FANCC: variants seen among roughly 807,000 people sequenced by gnomAD.
FANCC encodes FA complementation group C, also known as Fanconi anemia group C protein.
In FANCC, 55 loss-of-function variants were observed where a neutral mutation model predicts 71.3. The ratio of observed to expected loss-of-function variants is 0.77; its 90% CI spans 0.62 to 0.97. The LOEUF (loss-of-function observed/expected upper bound fraction) is 0.97, where lower values mean the gene tolerates loss of function less well. Ranked by LOEUF, FANCC falls within the 50% of genes least tolerant of loss-of-function variation. The pLI, the probability that FANCC is intolerant of heterozygous loss-of-function variation, is 0.00. For synonymous variants in FANCC, 275 were observed against 244.9 expected (o/e 1.12, Z -1.15); for missense variants, 678 against 670.9 (o/e 1.01, Z -0.12).
At chr9:95,204,544 C>A (rs1208063986) in intron 4 of FANCC, among the ~76,000 whole-genome samples, 2 of 152,184 alleles carry the variant, frequency 1.3e-5, no homozygotes, top group Non-Finnish European at 2.9e-5. Flanking sequence ...TAATGCAAAT[C>A]TGACACCCAT....
rs2071028401 is a variant in FANCC at position 95,100,172 on chromosome 9, A to C, written c.*1535T>G. On this transcript the variant is annotated 3_prime_UTR_variant, in exon 15 of 15. Coordinates refer to ENST00000289081, the MANE Select transcript of FANCC (RefSeq NM_000136.3). Reference sequence around the variant, plus strand: ...ACCTCTGACGAAGCATGTTTGTTATATGAAGGCAAGGATCATGATGGCACG... The same window carrying C: ...ACCTCTGACGAAGCATGTTTGTTATCTGAAGGCAAGGATCATGATGGCACG... 4.3e-6 allele frequency: 1 copy of C among 232,818 alleles called. No homozygotes were observed. The highest frequency in any genetic ancestry group is 1.8e-4 in the South Asian group (1 of 5,528). The allele number at this position is 232,818 out of a possible 1,614,324, so 14.4% of individuals were successfully genotyped here. A position where few individuals can be genotyped will look rare whatever the true frequency, so the allele number is the denominator to read the frequency against.
intron 4 of FANCC, among the ~76,000 whole-genome samples, chr9:95,182,969 C>T (rs2135685612): frequency 6.6e-6 from 1 of 152,198 alleles, no homozygotes; most frequent in South Asian, 2.1e-4. Flanking sequence ...GCCCCTACTC[C>T]AGCCTGCCCC....
intron 4 of FANCC, among the ~76,000 whole-genome samples, chr9:95,194,103 T>G (rs777376562): frequency 2.6e-5 from 4 of 152,166 alleles, no homozygotes; most frequent in Non-Finnish European, 5.9e-5. Flanking sequence ...GTAATTCTGA[T>G]GTGCAGCCAG....
chr9:95,238,311 C>T (rs1267385390), intron 4 of FANCC, among the ~76,000 whole-genome samples: 1 of 152,204 alleles, frequency 6.6e-6, no homozygotes, highest in Admixed American at 6.5e-5. Context: ...TTCACCTGCT[C>T]TCTGTACATT....
intron 4 of FANCC, among the ~76,000 whole-genome samples, chr9:95,199,733 T>C (rs12350646): frequency 0.23 from 34,346 of 152,110 alleles, 5,036 homozygotes; most frequent in Non-Finnish European, 0.33. Context: ...GTGTTTACAG[T>C]AGTGACTTCC....
At chr9:95,228,679 G>A (rs1184049687) in intron 4 of FANCC, among the ~76,000 whole-genome samples, 1 of 152,138 alleles carries the variant, frequency 6.6e-6, no homozygotes, top group African/African-American at 2.4e-5. Context: ...AGAGAGTGAG[G>A]GTCTAGCCCA....
At chr9:95,264,452 A>G (rs1190004879) in intron 1 of FANCC, among the ~76,000 whole-genome samples, 3 of 152,250 alleles carry the variant, frequency 2.0e-5, no homozygotes, top group Non-Finnish European at 4.4e-5. Context: ...TAAACCACAC[A>G]AAAGTAGCTA....
chr9:95,284,085 T>C (rs1222385731), intron 1 of FANCC, among the ~76,000 whole-genome samples: 1 of 152,250 alleles, frequency 6.6e-6, no homozygotes, highest in Non-Finnish European at 1.5e-5. Context: ...GTTATTGTAT[T>C]TCTAAGTAGA....
At chr9:95,153,320 TG>T (rs1347640008) in intron 6 of FANCC, among the ~76,000 whole-genome samples, 2 of 152,096 alleles carry the variant, frequency 1.3e-5, no homozygotes, top group African/African-American at 4.8e-5. Flanking sequence ...CATATGCAAG[TG>T]GTTTTTTTTT....
chr9:95,177,700 A>G (rs1826102202), intron 4 of FANCC, among the ~76,000 whole-genome samples: 1 of 152,102 alleles, frequency 6.6e-6, no homozygotes, highest in Admixed American at 6.6e-5. Context: ...TTTGTTAAAA[A>G]CTGAGGCACA....
At chr9:95,183,364 C>G (rs537197893) in intron 4 of FANCC, among the ~76,000 whole-genome samples, 3 of 152,352 alleles carry the variant, frequency 2.0e-5, no homozygotes, top group South Asian at 2.1e-4. Context: ...GGCACTGCCT[C>G]GCTGTCCTTC....
At chr9:95,104,854 C>T (rs1304226178) in intron 14 of FANCC, among the ~76,000 whole-genome samples, 1 of 152,176 alleles carries the variant, frequency 6.6e-6, no homozygotes, top group Non-Finnish European at 1.5e-5. Flanking sequence ...ACCATCTCCC[C>T]ACTGCCCCTC....
chr9:95,294,247 G>T, intron 1 of FANCC: 1 of 1,580,288 alleles, frequency 6.3e-7, no homozygotes, highest in South Asian at 1.1e-5. Flanking sequence ...AATCAATTTT[G>T]ATATTGAAGA....
At position 95,101,445 on chromosome 9, in the gene FANCC, G is replaced by C. The variant is rs1160527807; in HGVS notation, c.*262C>G. The C allele has an allele frequency of 1.9e-6, 1 of 532,178 alleles. No individual in the cohort carries two copies. The highest frequency in any genetic ancestry group is 3.4e-6 in the Non-Finnish European group (1 of 294,148). 33.0% of individuals were successfully genotyped at this position (532,178 alleles called of 1,614,324 possible). A position where few individuals can be genotyped will look rare whatever the true frequency, so the allele number is the denominator to read the frequency against. ...TTGCTTTAGTAATTATCAAGCTGAC[G>C]GTCTGGCCGGGCGGGCACCAGGAGT... On this transcript the variant is annotated 3_prime_UTR_variant, in exon 15 of 15. Transcript: ENST00000289081.
chr9:95,198,349 C>A (rs1827583474), intron 4 of FANCC, among the ~76,000 whole-genome samples: 1 of 152,194 alleles, frequency 6.6e-6, no homozygotes, highest in Admixed American at 6.5e-5. Flanking sequence ...AGCAAACTGT[C>A]ACACACAATT....
chr9:95,198,355 C>T (rs1425917301), intron 4 of FANCC, among the ~76,000 whole-genome samples: 1 of 152,184 alleles, frequency 6.6e-6, no homozygotes, highest in Non-Finnish European at 1.5e-5. Context: ...CTGTCACACA[C>T]AATTTTCAGA....
intron 4 of FANCC, among the ~76,000 whole-genome samples, chr9:95,231,866 T>TG (rs1166104264): frequency 6.6e-6 from 1 of 152,242 alleles, no homozygotes; most frequent in Non-Finnish European, 1.5e-5. Context: ...CTCCAATTAT[T>TG]GGGTCTATGC....
chr9:95,178,719 A>T (rs1249005932), intron 4 of FANCC, among the ~76,000 whole-genome samples: 1 of 152,290 alleles, frequency 6.6e-6, no homozygotes, highest in Non-Finnish European at 1.5e-5. Context: ...ACACGGACAC[A>T]GCACCCAATA....
intron 6 of FANCC, among the ~76,000 whole-genome samples, chr9:95,169,458 C>T (rs999035950): frequency 6.6e-6 from 1 of 152,140 alleles, no homozygotes. Context: ...ATGCGATTTC[C>T]TCATCAGTGC....
Sources: gnomAD v4.1 joint callset for allele counts (sites outside exome capture counted in the v4.1 genomes callset) on GRCh38, gnomAD v4.1.1 for gene constraint, MANE v1.5 for transcripts, NCBI Gene and HGNC (gene_info 2026-07-23, HGNC 2026-07-21) for gene names.